The following PCDHA6 variants were observed in gnomAD, a reference collection of about 807,000 sequenced individuals.
PCDHA6 encodes protocadherin alpha-6.
Under a neutral mutation model 60.3 loss-of-function variants are expected in PCDHA6, and 55 were observed. The ratio of observed to expected loss-of-function variants is 0.91; its 90% CI spans 0.73 to 1.14. The LOEUF is 1.14. Ranked by LOEUF, PCDHA6 falls within the 50% of genes most tolerant of loss-of-function variation. The probability of loss-of-function intolerance (pLI) is 0.00; values close to 1 mark genes in which losing one functional copy is unlikely to be tolerated. For synonymous variants in PCDHA6, 652 were observed against 557.9 expected, an observed-to-expected ratio of 1.17 and a Z score of -2.38; for missense variants, 1,327 against 1,256.5, an observed-to-expected ratio of 1.06 and a Z score of -0.85.
At chr5:140,953,546 T>G (rs2094902084) in intron 1 of PCDHA6, among the ~76,000 whole-genome samples, 1 of 152,136 alleles carries the variant, frequency 6.6e-6, no homozygotes, top group African/African-American at 2.4e-5. Context: ...ATGCTGATTC[T>G]TTTCTCCAAG....
chr5:140,867,553 A>G (rs782238802), intron 1 of PCDHA6: 1 of 152,158 alleles, frequency 6.6e-6, no homozygotes, highest in Non-Finnish European at 1.5e-5. Context: ...GCATACACAT[A>G]TGATAACTTT....
At chr5:140,924,507 C>T (rs2081871616) in intron 1 of PCDHA6, among the ~76,000 whole-genome samples, 1 of 152,168 alleles carries the variant, frequency 6.6e-6, no homozygotes, top group African/African-American at 2.4e-5. Context: ...CAATCCCACT[C>T]TTAGTGTTAA....
intron 1 of PCDHA6, chr5:140,930,381 A>G (rs569032116): frequency 2.0e-5 from 3 of 152,008 alleles, no homozygotes; most frequent in East Asian, 3.9e-4. Flanking sequence ...GGCCCTTGGC[A>G]TTTCAAAACT....
chr5:140,998,446 T>C (rs1266567801), intron 3 of PCDHA6, among the ~76,000 whole-genome samples: 1 of 152,248 alleles, frequency 6.6e-6, no homozygotes, highest in African/African-American at 2.4e-5. Flanking sequence ...TTATTGTATT[T>C]ATTCATTTAC....
intron 1 of PCDHA6, among the ~76,000 whole-genome samples, chr5:140,943,772 T>G (rs371770047): frequency 2.9e-4 from 44 of 152,232 alleles, no homozygotes; most frequent in African/African-American, 6.7e-4. Context: ...GGAAAAAAAC[T>G]AGGAAGTGGT....
intron 1 of PCDHA6, chr5:140,863,197 C>A: frequency 1.1e-6 from 1 of 888,970 alleles, no homozygotes; most frequent in Non-Finnish European, 1.8e-6. Flanking sequence ...GGTGGCGTCG[C>A]TGGCGGAGAG....
intron 1 of PCDHA6, among the ~76,000 whole-genome samples, chr5:140,840,143 C>A (rs1776577709): frequency 2.6e-5 from 4 of 151,842 alleles, no homozygotes; most frequent in Admixed American, 2.6e-4. Flanking sequence ...GAAATTATCA[C>A]ACGTGAAAGG....
At chr5:140,997,668 TTGTGTGTGTGTG>T (rs35184029) in intron 3 of PCDHA6, among the ~76,000 whole-genome samples, 3 of 148,244 alleles carry the variant, frequency 2.0e-5, no homozygotes, top group South Asian at 2.2e-4. Context: ...ATTATACAGC[TTGTGTGTGTGTG>T]TGTGTGTGTG....
rs2150476768 is a variant in PCDHA6, at chr5:140,850,270, G to C, written c.2394+19785G>C. On this transcript the variant is annotated intron_variant, in intron 1 of 3. Transcript: ENST00000529310. ...TCGGTGGGCGCCGGCGTAGTGGTGG[G>C]GAAGGTGCGCGCAGTGGACGCCGAC... 8 of 1,594,948 alleles carry C rather than the reference G, an allele frequency of 5.0e-6. 1 individual carries two copies. In the Admixed American group the frequency reaches 5.1e-5, roughly 10 times the overall value.
intron 1 of PCDHA6, chr5:140,836,781 T>C: frequency 6.7e-7 from 1 of 1,482,902 alleles, no homozygotes; most frequent in South Asian, 1.3e-5. Flanking sequence ...TTAAAACAAT[T>C]AGTTCAATTG....
chr5:140,955,571 G>A (rs1371078633), intron 1 of PCDHA6, among the ~76,000 whole-genome samples: 2 of 152,158 alleles, frequency 1.3e-5, no homozygotes, highest in Non-Finnish European at 2.9e-5. Flanking sequence ...ACTGAACTGT[G>A]AGTCAATTAA....
intron 1 of PCDHA6, chr5:140,834,791 A>G: frequency 6.2e-7 from 1 of 1,613,714 alleles, no homozygotes; most frequent in Non-Finnish European, 8.5e-7. Context: ...TCCCAGCGAC[A>G]CAAAGGAATC....
chr5:140,917,324 C>CGGGGGGG (rs1299895515), intron 1 of PCDHA6, among the ~76,000 whole-genome samples: 2 of 76,152 alleles, frequency 2.6e-5, no homozygotes, highest in African/African-American at 4.3e-5. Flanking sequence ...GTTCATGTGG[C>CGGGGGGG]GGGGGAGGGG....
At position 140,928,565 on chromosome 5, in the gene PCDHA6, C is replaced by T. The variant is rs1227327620; in HGVS notation, c.2395-50384C>T. 2.5e-6 allele frequency: 4 copies of T among 1,614,038 alleles called. No individual in the cohort carries two copies. The highest frequency in any genetic ancestry group is 3.4e-6 in the Non-Finnish European group (4 of 1,180,038). On this transcript the variant is annotated intron_variant, in intron 1 of 3. Transcript: ENST00000529310. Reference sequence around the variant, plus strand: ...GACAATTATCCGGTTATCTTGTTTCCCTTGCCCAGAAATGGTTCTGTCCCA... The same window carrying T: ...GACAATTATCCGGTTATCTTGTTTCTCTTGCCCAGAAATGGTTCTGTCCCA...
rs1770484799 is a variant in PCDHA6, at chr5:140,829,676, G to T, written c.1585G>T (p.Glu529Ter). Reference sequence around the variant, plus strand: ...GCAGCCGCTGGACCACGAGGAGCTAGAGCTGCTGCAGTTTCAGGTGAGCGC... The same window carrying T: ...GCAGCCGCTGGACCACGAGGAGCTATAGCTGCTGCAGTTTCAGGTGAGCGC... ...ALQPLDHEELELLQFQVSARD... is the reference protein window; with the variant it reads ...ALQPLDHEEL Residue 529 changes from glutamate to a stop codon, truncating the protein, a stop_gained, in exon 1 of 4, where the codon GAG (glutamate) becomes TAG (stop). Transcript: ENST00000529310. LOFTEE classifies it high-confidence loss of function. The T allele has an allele frequency of 2.5e-6, 4 of 1,613,004 alleles. No individual in the cohort carries two copies. Among genetic ancestry groups the T allele is most frequent in the Admixed American group, 1.7e-5 (1 of 59,994 alleles).
chr5:140,915,992 G>A (rs1437857401), intron 1 of PCDHA6, among the ~76,000 whole-genome samples: 2 of 152,134 alleles, frequency 1.3e-5, no homozygotes, highest in African/African-American at 4.8e-5. Context: ...GGCTAAGCTG[G>A]CACTCAAACC....
At chr5:140,907,582 G>C (rs978225789) in intron 1 of PCDHA6, among the ~76,000 whole-genome samples, 8 of 152,190 alleles carry the variant, frequency 5.3e-5, no homozygotes, top group African/African-American at 1.9e-4. Context: ...CAGGTAGCTG[G>C]CTGATCACCC....
rs139113749 is a variant in PCDHA6, at chr5:140,843,258, G to C, written c.2394+12773G>C. On this transcript the variant is annotated intron_variant, in intron 1 of 3. Transcript: ENST00000529310. ...GACGAAGCGGACTCTCCGCGCCACC[G>C]TCTGCTGGTCCTGGTGAAGGATCAT... 5 of 1,595,952 alleles carry C rather than the reference G, an allele frequency of 3.1e-6. 1 individual carries two copies. The African/African-American group carries it at 5.4e-5, about 17-fold the overall frequency.
At position 140,928,478 on chromosome 5, in the gene PCDHA6, A is replaced by T. The variant is rs1554205922; in HGVS notation, c.2395-50471A>T. Reference sequence around the variant, plus strand: ...TTTCATTTCCAAGTAGAAGGCCGGGATGGTGGCATTCCTCCCAGAAGTGCA... The same window carrying T: ...TTTCATTTCCAAGTAGAAGGCCGGGTTGGTGGCATTCCTCCCAGAAGTGCA... On this transcript the variant is annotated intron_variant, in intron 1 of 3. Coordinates refer to ENST00000529310, the MANE Select transcript of PCDHA6 (RefSeq NM_018909.4). 2.5e-5 allele frequency: 40 copies of T among 1,614,132 alleles called. No individual in the cohort carries two copies. The highest frequency in any genetic ancestry group is 3.3e-5 in the Non-Finnish European group (39 of 1,180,008).
Sources: gnomAD v4.1 joint callset for allele counts (sites outside exome capture counted in the v4.1 genomes callset) on GRCh38, gnomAD v4.1.1 for gene constraint, MANE v1.5 for transcripts, NCBI Gene and HGNC (gene_info 2026-07-23, HGNC 2026-07-21) for gene names.